The following TNFSF4 variants were observed in gnomAD, a reference collection of about 807,000 sequenced individuals.
The protein encoded by TNFSF4 is tumor necrosis factor ligand superfamily member 4.
In TNFSF4, 4 loss-of-function variants were observed where a neutral mutation model predicts 7.3. The observed-to-expected ratio is 0.55, with a 90% CI of 0.27 to 1.25. The LOEUF (loss-of-function observed/expected upper bound fraction) is 1.25. Among genes scored for constraint, TNFSF4 ranks in the 50% most tolerant of loss-of-function variants. The pLI is 0.12. For missense variants in TNFSF4, 181 were observed against 208.8 expected (o/e 0.87, Z 0.82); for synonymous variants, 76 against 83.7 (o/e 0.91, Z 0.50).
At chr1:173,390,127 T>C in the TNFSF4 span, among the ~76,000 whole-genome samples, 1 of 152,134 alleles carries the variant, frequency 6.6e-6, no homozygotes, top group Non-Finnish European at 1.5e-5. Flanking sequence ...ATGTGGACAA[T>C]ACAAATATGA....
chr1:173,236,444 G>T, the TNFSF4 span, among the ~76,000 whole-genome samples: 3 of 151,142 alleles, frequency 2.0e-5, no homozygotes, highest in Non-Finnish European at 2.9e-5. Flanking sequence ...AGGAGATAGT[G>T]CAGGGTTTGG....
the TNFSF4 span, among the ~76,000 whole-genome samples, chr1:173,350,886 G>A: frequency 6.6e-6 from 1 of 152,158 alleles, no homozygotes; most frequent in Non-Finnish European, 1.5e-5. Context: ...AAGTGAAACT[G>A]TCTCCTATTC....
the TNFSF4 span, among the ~76,000 whole-genome samples, chr1:173,431,426 C>T: frequency 6.6e-6 from 1 of 152,152 alleles, no homozygotes; most frequent in Non-Finnish European, 1.5e-5. Flanking sequence ...AATTAAGAGC[C>T]ATGCGCTGAT....
the TNFSF4 span, among the ~76,000 whole-genome samples, chr1:173,239,750 A>C: frequency 6.6e-6 from 1 of 152,030 alleles, no homozygotes. Context: ...GCTCAGTGGG[A>C]CCGGGCACAG....
the TNFSF4 span, among the ~76,000 whole-genome samples, chr1:173,238,006 T>C: frequency 2.6e-5 from 4 of 152,102 alleles, no homozygotes; most frequent in African/African-American, 9.7e-5. Flanking sequence ...AACTTCAAAC[T>C]GTACTACAAG....
At chr1:173,329,436 A>ATCTGC in the TNFSF4 span, among the ~76,000 whole-genome samples, 1 of 152,294 alleles carries the variant, frequency 6.6e-6, no homozygotes. Flanking sequence ...AATACTTTTT[A>ATCTGC]TCTGCAGTTG....
the TNFSF4 span, among the ~76,000 whole-genome samples, chr1:173,438,390 A>G: frequency 6.6e-6 from 1 of 152,194 alleles, no homozygotes; most frequent in Non-Finnish European, 1.5e-5. Context: ...AGCATCATAT[A>G]AGACTGAATG....
At chr1:173,342,349 C>G in the TNFSF4 span, among the ~76,000 whole-genome samples, 1 of 152,128 alleles carries the variant, frequency 6.6e-6, no homozygotes, top group African/African-American at 2.4e-5. Context: ...TTAGCCTGCC[C>G]AGTGGATGTT....
chr1:173,268,236 G>GA, the TNFSF4 span, among the ~76,000 whole-genome samples: 1 of 152,066 alleles, frequency 6.6e-6, no homozygotes, highest in Non-Finnish European at 1.5e-5. Flanking sequence ...AACTGAAGGA[G>GA]AAAAAACAGC....
chr1:173,417,637 T>C, the TNFSF4 span, among the ~76,000 whole-genome samples: 1 of 152,152 alleles, frequency 6.6e-6, no homozygotes, highest in Non-Finnish European at 1.5e-5. Context: ...CCTGACATTA[T>C]AACAAAGAGG....
At chr1:173,441,560 G>A in the TNFSF4 span, among the ~76,000 whole-genome samples, 158 of 152,268 alleles carry the variant, frequency 1.0e-3, 2 homozygotes, top group African/African-American at 3.6e-3. Flanking sequence ...GGAGGTGGAG[G>A]TTGCACTGAG....
At chr1:173,328,717 G>A in the TNFSF4 span, among the ~76,000 whole-genome samples, 1 of 151,786 alleles carries the variant, frequency 6.6e-6, no homozygotes, top group Non-Finnish European at 1.5e-5. Flanking sequence ...ACTGCTAGAC[G>A]AAAACGTAGA....
the TNFSF4 span, among the ~76,000 whole-genome samples, chr1:173,393,013 G>A: frequency 1.3e-5 from 2 of 152,116 alleles, no homozygotes; most frequent in Non-Finnish European, 2.9e-5. Flanking sequence ...GGTGGGTAGG[G>A]TGGGGGACAA....
At chr1:173,228,868 G>T in the TNFSF4 span, among the ~76,000 whole-genome samples, 1 of 152,172 alleles carries the variant, frequency 6.6e-6, no homozygotes, top group Non-Finnish European at 1.5e-5. Context: ...AGCAGGAAGA[G>T]AAGTTTAGAG....
the TNFSF4 span, among the ~76,000 whole-genome samples, chr1:173,227,964 G>C: frequency 6.6e-6 from 1 of 152,226 alleles, no homozygotes. Flanking sequence ...GGAGACCACT[G>C]CAGCTCAAGG....
chr1:173,276,221 C>T, the TNFSF4 span, among the ~76,000 whole-genome samples: 1 of 152,050 alleles, frequency 6.6e-6, no homozygotes, highest in South Asian at 2.1e-4. Flanking sequence ...ATTCTCAATA[C>T]AGATTTACAG....
chr1:173,180,936 C>T (rs932336958), downstream of TNFSF4, among the ~76,000 whole-genome samples: 5 of 152,114 alleles, frequency 3.3e-5, no homozygotes, highest in Non-Finnish European at 5.9e-5. Flanking sequence ...AAGTACCTAG[C>T]ACAATGCCTG....
At chr1:173,437,709 C>G in the TNFSF4 span, among the ~76,000 whole-genome samples, 1 of 152,152 alleles carries the variant, frequency 6.6e-6, no homozygotes, top group Non-Finnish European at 1.5e-5. Context: ...CCCACATACA[C>G]TAGGGTTCAT....
the TNFSF4 span, among the ~76,000 whole-genome samples, chr1:173,346,994 T>G: frequency 5.9e-5 from 9 of 152,234 alleles, no homozygotes; most frequent in African/African-American, 2.2e-4. Flanking sequence ...TTATACATAG[T>G]TCCTCCTAAA....
Sources: gnomAD v4.1 joint callset for allele counts (sites outside exome capture counted in the v4.1 genomes callset) on GRCh38, gnomAD v4.1.1 for gene constraint, MANE v1.5 for transcripts, NCBI Gene and HGNC (gene_info 2026-07-23, HGNC 2026-07-21) for gene names.